The following SETBP1 variants were observed in gnomAD, a reference collection of about 807,000 sequenced individuals.
SETBP1 encodes the protein SET binding protein 1.
SETBP1 carries 9 observed loss-of-function variants against 101.0 expected under a neutral mutation model. That is an observed-to-expected ratio of 0.09 (90% CI 0.05 to 0.16). SETBP1 has a LOEUF of 0.16. Ranked by LOEUF, SETBP1 falls within the 10% of genes least tolerant of loss-of-function variation. The pLI is 1.00. For synonymous variants in SETBP1, 818 were observed against 788.5 expected, an observed-to-expected ratio of 1.04 and a Z score of -0.63; for missense variants, 1,858 against 2,033.8, an observed-to-expected ratio of 0.91 and a Z score of 1.66.
intron 4 of SETBP1, among the ~76,000 whole-genome samples, chr18:45,023,582 G>T (rs771798493): frequency 5.9e-5 from 9 of 152,210 alleles, no homozygotes; most frequent in African/African-American, 2.2e-4. Flanking sequence ...ATATGTAGAT[G>T]ATGACAAAAC....
chr18:44,951,230 G>C lies in SETBP1; in HGVS notation c.1890G>C (p.Ala630=). 1 of 1,614,096 alleles carries C rather than the reference G, an allele frequency of 6.2e-7. No individual in the cohort carries two copies. Among genetic ancestry groups the C allele is most frequent in the Non-Finnish European group, 8.5e-7 (1 of 1,180,044 alleles). ...TKKRKRRRNL[A]KLAQLVPGED... ...AAAGAAAGCGACGACGCAATTTAGC[G>C]AAGTTGGCCCAGCTAGTGCCGGGAG... Residue 630 remains alanine, a synonymous_variant, in exon 4 of 6, where the codon GCG becomes GCC. Coordinates refer to ENST00000649279, the MANE Select transcript of SETBP1 (RefSeq NM_015559.3). This position sits in a 1 kb window ranked among gnomAD's most constrained non-coding sequence, Gnocchi z 7.8.
At chr18:45,043,103 G>A (rs1392730911) in intron 5 of SETBP1, among the ~76,000 whole-genome samples, 1 of 152,144 alleles carries the variant, frequency 6.6e-6, no homozygotes, top group African/African-American at 2.4e-5. Context: ...ACCTGAATAA[G>A]CCAGGCTGAT....
intron 2 of SETBP1, among the ~76,000 whole-genome samples, chr18:44,856,549 A>T (rs140347323): frequency 7.9e-5 from 12 of 152,332 alleles, no homozygotes; most frequent in African/African-American, 2.6e-4. Context: ...CTCATATCTT[A>T]CTACTTTTGT....
chr18:44,707,771 G>A (rs1001878796), intron 2 of SETBP1, among the ~76,000 whole-genome samples: 2 of 152,180 alleles, frequency 1.3e-5, no homozygotes, highest in South Asian at 2.1e-4. Context: ...TCAAATAAAC[G>A]AGTTTGGATT....
At chr18:45,028,175 A>C (rs2145446999) in intron 4 of SETBP1, among the ~76,000 whole-genome samples, 1 of 84,736 alleles carries the variant, frequency 1.2e-5, no homozygotes, top group Non-Finnish European at 2.2e-5. Context: ...CCCACCCCAC[A>C]ACAGTCCCCA....
At chr18:44,885,412 T>C (rs967284163) in intron 3 of SETBP1, among the ~76,000 whole-genome samples, 1 of 152,110 alleles carries the variant, frequency 6.6e-6, no homozygotes, top group Non-Finnish European at 1.5e-5. Context: ...CATAGAATCC[T>C]TTTTTCCTGG....
chr18:44,979,821 T>C (rs967981214), intron 4 of SETBP1, among the ~76,000 whole-genome samples: 6 of 152,266 alleles, frequency 3.9e-5, no homozygotes, highest in African/African-American at 1.4e-4. Context: ...ATTGCACATA[T>C]TGGCTCACAG....
At chr18:45,011,283 T>A (rs2072832689) in intron 4 of SETBP1, among the ~76,000 whole-genome samples, 2 of 152,132 alleles carry the variant, frequency 1.3e-5, no homozygotes, top group African/African-American at 4.8e-5. Flanking sequence ...GGCCCCCCGA[T>A]AAAGATCTGG....
intron 3 of SETBP1, among the ~76,000 whole-genome samples, chr18:44,917,186 G>T (rs554012364): frequency 6.6e-6 from 1 of 152,328 alleles, no homozygotes; most frequent in Non-Finnish European, 1.5e-5. Context: ...TAGGAATAGC[G>T]TGCACCAGGA....
chr18:44,918,772 G>A (rs1355932781), intron 3 of SETBP1, among the ~76,000 whole-genome samples: 1 of 152,216 alleles, frequency 6.6e-6, no homozygotes, highest in Non-Finnish European at 1.5e-5. Context: ...GCAAGAGAAT[G>A]TGAGAATTTG....
chr18:44,965,927 C>G (rs1203600268), intron 4 of SETBP1, among the ~76,000 whole-genome samples: 1 of 152,172 alleles, frequency 6.6e-6, no homozygotes, highest in Non-Finnish European at 1.5e-5. Context: ...CATGAGCTTA[C>G]CTTCCGCCAT....
At chr18:44,864,463 A>G (rs1234596283) in intron 2 of SETBP1, among the ~76,000 whole-genome samples, 1 of 152,136 alleles carries the variant, frequency 6.6e-6, no homozygotes, top group East Asian at 1.9e-4. Flanking sequence ...AGAAAATAAG[A>G]AAGCAACCTG....
At chr18:44,774,080 A>C (rs1367397624) in intron 2 of SETBP1, among the ~76,000 whole-genome samples, 2 of 152,210 alleles carry the variant, frequency 1.3e-5, no homozygotes, top group African/African-American at 2.4e-5. Flanking sequence ...TGTGAGAAAG[A>C]GGAAGGGAGG....
At chr18:44,859,525 T>A (rs1266216430) in intron 2 of SETBP1, among the ~76,000 whole-genome samples, 1 of 152,208 alleles carries the variant, frequency 6.6e-6, no homozygotes, top group African/African-American at 2.4e-5. Context: ...CACTTTTTGC[T>A]GTCATAACCT....
chr18:44,839,601 C>T (rs144295774), intron 2 of SETBP1, among the ~76,000 whole-genome samples: 4 of 152,280 alleles, frequency 2.6e-5, no homozygotes, highest in African/African-American at 7.2e-5. Context: ...GGAAATAACA[C>T]CAAGGTTGAG....
Position 45,068,170 on chromosome 18 carries a change from A to T in SETBP1, c.*4472A>T, listed in dbSNP as rs1246526114. The T allele has an allele frequency of 1.3e-5, 2 of 152,202 alleles. No homozygotes were observed. Among genetic ancestry groups the T allele is most frequent in the Non-Finnish European group, 1.5e-5 (1 of 68,040 alleles). The allele number at this position is 152,202 out of a possible 1,614,324, so 9.4% of individuals were successfully genotyped here. A position where few individuals can be genotyped will look rare whatever the true frequency, so the allele number is the denominator to read the frequency against. On this transcript the variant is annotated 3_prime_UTR_variant, in exon 6 of 6. Transcript: ENST00000649279. ...TATGTAAACATATTTTAGAACAAAA[A>T]ATGTATTTGTATTTTATTGAATATA...
chr18:45,063,176 CAAG>C lies in SETBP1; in HGVS notation c.4275_4277del (p.Lys1425del). On this transcript the variant is annotated inframe_deletion, in exon 6 of 6. Transcript: ENST00000649279. Reference sequence around the variant, plus strand: ...GCAACTACACCAAGATCCTGTCCACCAAGAAGAACCTGGACCACGTGAACAAGA... The same window carrying C: ...GCAACTACACCAAGATCCTGTCCACCAAGAACCTGGACCACGTGAACAAGA... The C allele has an allele frequency of 6.2e-7, 1 of 1,614,042 alleles. No homozygotes were observed.
At chr18:45,018,837 G>T (rs751688324) in intron 4 of SETBP1, among the ~76,000 whole-genome samples, 1 of 152,196 alleles carries the variant, frequency 6.6e-6, no homozygotes, top group South Asian at 2.1e-4. Flanking sequence ...CGGAGCTATG[G>T]CATAGGCTCA....
chr18:44,854,354 A>G (rs1426151726), intron 2 of SETBP1, among the ~76,000 whole-genome samples: 1 of 152,178 alleles, frequency 6.6e-6, no homozygotes, highest in Non-Finnish European at 1.5e-5. Flanking sequence ...TACATCTTGA[A>G]TTCCTAATAA....
Sources: allele counts gnomAD v4.1 joint callset (sites outside exome capture counted in the v4.1 genomes callset), GRCh38; gene constraint gnomAD v4.1.1; non-coding constraint Gnocchi (gnomAD v3.1); transcripts MANE v1.5; gene names NCBI Gene and HGNC (gene_info 2026-07-23, HGNC 2026-07-21).